TMEM232: variants seen among roughly 807,000 people sequenced by gnomAD.
TMEM232 encodes the protein transmembrane protein 232.
Under a neutral mutation model 78.8 loss-of-function variants are expected in TMEM232, and 80 were observed. The observed-to-expected ratio is 1.01, with a 90% CI of 0.85 to 1.22. TMEM232 has a LOEUF of 1.22. Ranked by LOEUF, TMEM232 falls within the 50% of genes most tolerant of loss-of-function variation. TMEM232 has a pLI of 0.00. For synonymous variants in TMEM232, 297 were observed against 254.3 expected, an observed-to-expected ratio of 1.17 and a Z score of -1.60; for missense variants, 881 against 742.2, an observed-to-expected ratio of 1.19 and a Z score of -2.17.
intron 10 of TMEM232, among the ~76,000 whole-genome samples, chr5:110,578,444 G>A (rs956209182): frequency 6.6e-6 from 1 of 151,862 alleles, no homozygotes; most frequent in Non-Finnish European, 1.5e-5. Flanking sequence ...CTAAGATTCC[G>A]AGAGATATAA....
chr5:110,700,181 A>G (rs974078392), intron 1 of TMEM232, among the ~76,000 whole-genome samples: 2 of 152,078 alleles, frequency 1.3e-5, no homozygotes, highest in East Asian at 3.8e-4. Flanking sequence ...TGGTCAGTCT[A>G]AAGTCCAGCA....
At chr5:110,602,635 A>G (rs994903814) in intron 10 of TMEM232, among the ~76,000 whole-genome samples, 1 of 152,220 alleles carries the variant, frequency 6.6e-6, no homozygotes, top group Non-Finnish European at 1.5e-5. Flanking sequence ...TTAAAAAGTC[A>G]GGAAACAACA....
chr5:110,614,245 A>G (rs183160502), intron 8 of TMEM232, among the ~76,000 whole-genome samples: 14 of 152,210 alleles, frequency 9.2e-5, no homozygotes, highest in Non-Finnish European at 1.6e-4. Context: ...GGATTCAGTG[A>G]CAGGCTGTCT....
intron 10 of TMEM232, among the ~76,000 whole-genome samples, chr5:110,585,901 AC>A (rs1175320406): frequency 1.3e-5 from 2 of 152,166 alleles, no homozygotes; most frequent in African/African-American, 4.8e-5. Flanking sequence ...TACTGCTGCA[AC>A]CTAGGGATTT....
chr5:110,549,605 CAAAAAAAAAAA>C (rs1209595068), intron 11 of TMEM232, among the ~76,000 whole-genome samples: 5 of 45,448 alleles, frequency 1.1e-4, no homozygotes, highest in Admixed American at 7.4e-4. Context: ...GTCCCTGTCT[CAAAAAAAAAAA>C]AAAAAAAAAA....
At chr5:110,634,408 A>G (rs1012742138) in intron 5 of TMEM232, among the ~76,000 whole-genome samples, 20 of 152,306 alleles carry the variant, frequency 1.3e-4, no homozygotes, top group Non-Finnish European at 2.5e-4. Context: ...TCTTCTCATT[A>G]GCACATGGAA....
At chr5:110,621,108 C>T (rs1400370745) in intron 7 of TMEM232, among the ~76,000 whole-genome samples, 2 of 151,916 alleles carry the variant, frequency 1.3e-5, no homozygotes, top group Admixed American at 1.3e-4. Context: ...AGTGATGCAC[C>T]CGCCTCTGCC....
intron 2 of TMEM232, among the ~76,000 whole-genome samples, chr5:110,409,984 G>C (rs1022175953): frequency 6.6e-6 from 1 of 152,172 alleles, no homozygotes; most frequent in Non-Finnish European, 1.5e-5. Context: ...GCTGATGTCT[G>C]TATCCGTTGG....
At chr5:110,618,980 C>G (rs1270518537) in intron 7 of TMEM232, among the ~76,000 whole-genome samples, 1 of 152,158 alleles carries the variant, frequency 6.6e-6, no homozygotes, top group Admixed American at 6.5e-5. Flanking sequence ...CTTTAAGGAC[C>G]AAAATGTATG....
intron 12 of TMEM232, among the ~76,000 whole-genome samples, chr5:110,430,471 T>C (rs2112674680): frequency 6.6e-6 from 1 of 151,766 alleles, no homozygotes; most frequent in Non-Finnish European, 1.5e-5. Flanking sequence ...CTCTTCAAGG[T>C]AAAGTTAAAA....
At chr5:110,702,028 G>T (rs564269433) in intron 1 of TMEM232, among the ~76,000 whole-genome samples, 7 of 151,990 alleles carry the variant, frequency 4.6e-5, no homozygotes, top group Non-Finnish European at 8.8e-5. Flanking sequence ...AGACAGCTAA[G>T]GGGGGTTTTA....
chr5:110,716,139 T>A (rs565088437), intron 1 of TMEM232, among the ~76,000 whole-genome samples: 2 of 152,182 alleles, frequency 1.3e-5, no homozygotes, highest in South Asian at 4.1e-4. Context: ...TGGGCACATA[T>A]TCTTAGGGTC....
At chr5:110,404,313 T>C (rs56029554) in intron 2 of TMEM232, among the ~76,000 whole-genome samples, 5,470 of 152,178 alleles carry the variant, frequency 0.036, 352 homozygotes, top group African/African-American at 0.13. Flanking sequence ...GGACATTTTA[T>C]CCTCATCTCT....
chr5:110,623,492 G>T (rs1447347281), intron 7 of TMEM232, among the ~76,000 whole-genome samples: 1 of 152,112 alleles, frequency 6.6e-6, no homozygotes, highest in Non-Finnish European at 1.5e-5. Context: ...AGATGAGATT[G>T]ATGCAAATGT....
At chr5:110,525,306 T>C (rs1044129695) in intron 12 of TMEM232, among the ~76,000 whole-genome samples, 3 of 152,006 alleles carry the variant, frequency 2.0e-5, no homozygotes, top group Non-Finnish European at 2.9e-5. Flanking sequence ...TCTGACAGAA[T>C]TGTGAATCTA....
chr5:110,613,395 C>A (rs1208092731), intron 8 of TMEM232, among the ~76,000 whole-genome samples: 1 of 152,114 alleles, frequency 6.6e-6, no homozygotes, highest in African/African-American at 2.4e-5. Context: ...ATTTTTGCCA[C>A]TATAAATAAA....
chr5:110,481,848 A>G (rs313617), intron 12 of TMEM232, among the ~76,000 whole-genome samples: 50,460 of 151,976 alleles, frequency 0.33, 14,698 homozygotes, highest in African/African-American at 0.78. Context: ...ACACAGGCTA[A>G]AAAACTAAGG....
intron 2 of TMEM232, among the ~76,000 whole-genome samples, chr5:110,648,831 A>G (rs1019540442): frequency 1.3e-5 from 2 of 152,100 alleles, no homozygotes; most frequent in African/African-American, 4.8e-5. Flanking sequence ...TTTGGGACAC[A>G]GGATTTTAAG....
chr5:110,521,261 T>G (rs1286446890), intron 12 of TMEM232, among the ~76,000 whole-genome samples: 1 of 152,210 alleles, frequency 6.6e-6, no homozygotes, highest in Non-Finnish European at 1.5e-5. Flanking sequence ...ATTGTATGTC[T>G]TCTTTAGAAA....
Sources: gnomAD v4.1 joint callset for allele counts (sites outside exome capture counted in the v4.1 genomes callset) on GRCh38, gnomAD v4.1.1 for gene constraint, MANE v1.5 for transcripts, NCBI Gene and HGNC (gene_info 2026-07-23, HGNC 2026-07-21) for gene names.